The following GRM7 variants were observed in gnomAD, a reference collection of about 807,000 sequenced individuals.
GRM7 encodes metabotropic glutamate receptor 7.
A neutral mutation model predicts 84.5 loss-of-function variants in GRM7; 35 were observed. The observed-to-expected ratio is 0.41, with a 90% CI of 0.32 to 0.55. The LOEUF (loss-of-function observed/expected upper bound fraction) is 0.55. GRM7 is among the 20% of genes least tolerant of loss of function. The probability of loss-of-function intolerance (pLI) is 0.19; values close to 1 mark genes in which losing one functional copy is unlikely to be tolerated. For missense variants in GRM7, 1,003 were observed against 1,194.6 expected, an observed-to-expected ratio of 0.84 and a Z score of 2.36; for synonymous variants, 487 against 455.1, an observed-to-expected ratio of 1.07 and a Z score of -0.89.
intron 2 of GRM7, among the ~76,000 whole-genome samples, chr3:7,152,649 T>C (rs1694319813): frequency 6.6e-6 from 1 of 152,222 alleles, no homozygotes; most frequent in Non-Finnish European, 1.5e-5. Context: ...TTTCAAAACA[T>C]GACACCTTGG....
chr3:7,178,757 G>C (rs1695239116), intron 2 of GRM7, among the ~76,000 whole-genome samples: 1 of 151,920 alleles, frequency 6.6e-6, no homozygotes, highest in African/African-American at 2.4e-5. Context: ...TAAGTATGTT[G>C]GGTTTGTATG....
intron 2 of GRM7, among the ~76,000 whole-genome samples, chr3:7,197,650 T>A (rs1695921445): frequency 6.6e-6 from 1 of 152,178 alleles, no homozygotes; most frequent in Non-Finnish European, 1.5e-5. Flanking sequence ...TCAATTAGAT[T>A]TCTCCTAAGT....
rs111787270 is a variant in GRM7, at chr3:7,450,763, G to A, written c.1175-1844G>A. ...TATACACTGAAAAACCCTAGATCCC[G>A]TGACAGGCAGTGAGCATAAAGTTGA... On this transcript the variant is annotated intron_variant, in intron 5 of 9. Coordinates refer to ENST00000357716, the MANE Select transcript of GRM7 (RefSeq NM_000844.4). Among the ~76,000 whole-genome samples the A allele has an allele frequency of 6.6e-3, 996 of 151,948 alleles. 5 individuals carry two copies. Among genetic ancestry groups the A allele is most frequent in the Non-Finnish European group, 8.2e-3 (557 of 67,982 alleles).
intron 5 of GRM7, among the ~76,000 whole-genome samples, chr3:7,452,275 G>T (rs985994376): frequency 6.6e-6 from 1 of 152,260 alleles, no homozygotes; most frequent in East Asian, 1.9e-4. Context: ...GACCTTTCTA[G>T]AGTAAGCGAG....
rs1421274379 is a variant in GRM7, at chr3:7,555,738, A to G, written c.1516-22684A>G. ...GAGTAACTCATAAAACATTACTCAT[A>G]ACAGTAGAACACTCAGCAGCACCTC... On this transcript the variant is annotated intron_variant, in intron 7 of 9. Transcript: ENST00000357716. 2.0e-5 allele frequency among the ~76,000 whole-genome samples: 3 copies of G among 152,164 alleles called. No individual in the cohort carries two copies. In the East Asian group the frequency reaches 5.8e-4, roughly 29 times the overall value.
intron 4 of GRM7, among the ~76,000 whole-genome samples, chr3:7,413,023 G>A (rs773773212): frequency 6.6e-6 from 1 of 151,818 alleles, no homozygotes; most frequent in Non-Finnish European, 1.5e-5. Flanking sequence ...TATATTAATA[G>A]AGTTATTCTA....
At chr3:7,679,481 G>A (rs1220626831) in intron 8 of GRM7, among the ~76,000 whole-genome samples, 1 of 152,154 alleles carries the variant, frequency 6.6e-6, no homozygotes, top group East Asian at 1.9e-4. Context: ...CTTGTCACTT[G>A]TGTTTTATAA....
At chr3:7,385,323 C>T (rs1463866037) in intron 4 of GRM7, among the ~76,000 whole-genome samples, 60 of 101,400 alleles carry the variant, frequency 5.9e-4, no homozygotes, top group African/African-American at 2.1e-3. Context: ...TTTTTTAAGA[C>T]AGAGTCTCGC....
intron 1 of GRM7, among the ~76,000 whole-genome samples, chr3:6,946,523 G>C (rs1698088257): frequency 6.6e-6 from 1 of 152,190 alleles, no homozygotes; most frequent in Non-Finnish European, 1.5e-5. Context: ...TTTTGGCTTA[G>C]GATTGACATG....
intron 4 of GRM7, among the ~76,000 whole-genome samples, chr3:7,313,638 C>A (rs1700483505): frequency 6.6e-6 from 1 of 151,992 alleles, no homozygotes; most frequent in African/African-American, 2.4e-5. Context: ...GAGTATAAGT[C>A]ATTACTGTAG....
At chr3:7,004,731 T>C (rs1243262128) in intron 1 of GRM7, among the ~76,000 whole-genome samples, 1 of 152,224 alleles carries the variant, frequency 6.6e-6, no homozygotes, top group Non-Finnish European at 1.5e-5. Context: ...GAAATGTGAA[T>C]GGATTAAAAA....
chr3:7,423,787 T>C (rs975599205), intron 5 of GRM7, among the ~76,000 whole-genome samples: 2 of 152,062 alleles, frequency 1.3e-5, no homozygotes, highest in African/African-American at 4.8e-5. Context: ...AGATAAAAAC[T>C]TTCTAGAGCT....
At chr3:7,267,162 A>T (rs1698672382) in intron 2 of GRM7, among the ~76,000 whole-genome samples, 1 of 152,304 alleles carries the variant, frequency 6.6e-6, no homozygotes, top group South Asian at 2.1e-4. Flanking sequence ...CTCTGTAGAA[A>T]ATCGAAGTTC....
chr3:7,251,179 G>A (rs527887709), intron 2 of GRM7, among the ~76,000 whole-genome samples: 4 of 152,214 alleles, frequency 2.6e-5, no homozygotes, highest in African/African-American at 9.6e-5. Flanking sequence ...ATTCACTAAT[G>A]AGTACCAAAA....
At chr3:7,541,243 T>C (rs568374775) in intron 7 of GRM7, among the ~76,000 whole-genome samples, 7 of 152,252 alleles carry the variant, frequency 4.6e-5, no homozygotes, top group Non-Finnish European at 7.4e-5. Context: ...TTTTTCTTAG[T>C]CAAAATAGTC....
At chr3:7,536,402 G>T (rs1701245425) in intron 7 of GRM7, among the ~76,000 whole-genome samples, 1 of 152,174 alleles carries the variant, frequency 6.6e-6, no homozygotes, top group South Asian at 2.1e-4. Flanking sequence ...TTAATCCAAT[G>T]ACTCCTATTT....
At chr3:7,655,629 A>G (rs984715172) in intron 8 of GRM7, among the ~76,000 whole-genome samples, 4 of 152,230 alleles carry the variant, frequency 2.6e-5, no homozygotes, top group Non-Finnish European at 5.9e-5. Context: ...CATTGCCCAT[A>G]GAGAGGGATC....
chr3:7,486,286 A>G lies in GRM7; in HGVS notation c.1515+24564A>G, dbSNP rs1299532609. ...CTTCCCAAGAAATGATGGTAATGAT[A>G]ATGGCGATGATGGTGATAAAAGGTA... On this transcript the variant is annotated intron_variant, in intron 7 of 9. Coordinates refer to ENST00000357716, the MANE Select transcript of GRM7 (RefSeq NM_000844.4). This position sits in a 1 kb window ranked among gnomAD's most constrained non-coding sequence, Gnocchi z 5.5. Among the ~76,000 whole-genome samples the G allele has an allele frequency of 6.6e-6, 1 of 152,128 alleles. No individual in the cohort carries two copies. Among genetic ancestry groups the G allele is most frequent in the Non-Finnish European group, 1.5e-5 (1 of 68,026 alleles).
intron 1 of GRM7, among the ~76,000 whole-genome samples, chr3:6,968,441 G>A (rs1030512112): frequency 3.9e-5 from 6 of 151,944 alleles, no homozygotes; most frequent in African/African-American, 1.2e-4. Context: ...ATTTTTGGAG[G>A]GACATAATTC....
Sources: allele counts gnomAD v4.1 joint callset (sites outside exome capture counted in the v4.1 genomes callset), GRCh38; gene constraint gnomAD v4.1.1; non-coding constraint Gnocchi (gnomAD v3.1); transcripts MANE v1.5; gene names NCBI Gene and HGNC (gene_info 2026-07-23, HGNC 2026-07-21).